The following KRT222 variants were observed in gnomAD, a reference collection of about 807,000 sequenced individuals.
KRT222 encodes the protein keratin-like protein KRT222.
KRT222 carries 23 observed loss-of-function variants against 35.0 expected under a neutral mutation model. That is an observed-to-expected ratio of 0.66 (90% CI 0.47 to 0.93). The LOEUF is 0.93. Among genes scored for constraint, KRT222 ranks in the 40% least tolerant of loss-of-function variants. The probability of loss-of-function intolerance (pLI) is 0.00; values close to 1 mark genes in which losing one functional copy is unlikely to be tolerated. For synonymous variants in KRT222, 108 were observed against 118.8 expected, an observed-to-expected ratio of 0.91 and a Z score of 0.59; for missense variants, 339 against 346.3, an observed-to-expected ratio of 0.98 and a Z score of 0.17.
chr17:40,656,673 G>A (rs569174609), intron 5 of KRT222, 43 bp from the exon 6 acceptor site: 2 of 1,111,040 alleles, frequency 1.8e-6, no homozygotes, highest in South Asian at 2.7e-5. Flanking sequence ...AGAAGTATGG[G>A]TCTATTAAAA....
At position 40,665,109 on chromosome 17, in the gene KRT222, A is replaced by G; in HGVS notation, c.-10T>C. Reference sequence around the variant, plus strand: ...GCTGGGACAGTTCCATTCTTTTCCCATCCTCCACCTTGGCTAACTGAACCT... The same window carrying G: ...GCTGGGACAGTTCCATTCTTTTCCCGTCCTCCACCTTGGCTAACTGAACCT... On this transcript the variant is annotated 5_prime_UTR_variant, in exon 1 of 6. The change abolishes an upstream ATG in the 5' untranslated region. Coordinates refer to ENST00000394052, the MANE Select transcript of KRT222 (RefSeq NM_152349.3). 6.2e-7 allele frequency: 1 copy of G among 1,613,430 alleles called. No homozygotes were observed. The highest frequency in any genetic ancestry group is 8.5e-7 in the Non-Finnish European group (1 of 1,179,776).
intron 3 of KRT222, among the ~76,000 whole-genome samples, chr17:40,659,189 T>A: frequency 6.7e-6 from 1 of 149,584 alleles, no homozygotes; most frequent in Non-Finnish European, 1.5e-5. Flanking sequence ...GGAGTCTCAC[T>A]CTGTCGCCTG....
rs148476018 is a variant in KRT222, at chr17:40,660,093, C to G, written c.340G>C (p.Gly114Arg). 1.9e-5 allele frequency: 30 copies of G among 1,614,092 alleles called. 1 individual carries two copies. In the East Asian group the frequency reaches 5.8e-4, roughly 31 times the overall value. Residue 114 changes from glycine (G) to arginine (R), a missense_variant, in exon 3 of 6, where the codon GGC becomes CGC. Gly to Arg is a moderately radical substitution (Grantham distance 125, BLOSUM62 -2). Coordinates refer to ENST00000394052, the MANE Select transcript of KRT222 (RefSeq NM_152349.3). Reference sequence around the variant, plus strand: ...TGCTCTTGAAGCTGCTTTTCGATGCCGCGCCTTACTTCCTGTAGCTCTTTT... The same window carrying G: ...TGCTCTTGAAGCTGCTTTTCGATGCGGCGCCTTACTTCCTGTAGCTCTTTT... ...LEKELQEVRRGIEKQLQEHEM... is the reference protein window; with the variant it reads ...LEKELQEVRRRIEKQLQEHEM...
chr17:40,662,608 T>G (rs1041095313), intron 1 of KRT222, among the ~76,000 whole-genome samples: 1 of 152,214 alleles, frequency 6.6e-6, no homozygotes, highest in African/African-American at 2.4e-5. Context: ...GAAAATCTGT[T>G]GATTGACCTT....
intron 1 of KRT222, among the ~76,000 whole-genome samples, chr17:40,664,250 C>A (rs1271382566): frequency 6.6e-6 from 1 of 152,066 alleles, no homozygotes; most frequent in Admixed American, 6.5e-5. Context: ...AGACTTGAGA[C>A]CTTAATTACT....
intron 2 of KRT222, among the ~76,000 whole-genome samples, chr17:40,661,605 G>T (rs2037384399): frequency 6.6e-6 from 1 of 152,100 alleles, no homozygotes; most frequent in Non-Finnish European, 1.5e-5. Context: ...ATGGATAAAA[G>T]AATCTCCACT....
chr17:40,660,172 C>T lies in KRT222; in HGVS notation c.261G>A (p.Glu87=), dbSNP rs750870232. The change falls in exon 3 of 6, where the codon GAG becomes GAA. Residue 87 remains glutamate, a synonymous_variant. Transcript: ENST00000394052. ...CTTGCAGCTGCATCTGGTAATGCTG[C>T]TCGCTGGCATGTAGGGAGTTTTCAA... The part of the protein sequence containing the change: ...RGLENSLHAS[E]QHYQMQLQDL... The T allele has an allele frequency of 5.6e-6, 9 of 1,614,076 alleles. No individual in the cohort carries two copies. Among genetic ancestry groups the T allele is most frequent in the Non-Finnish European group, 7.6e-6 (9 of 1,180,016 alleles).
At chr17:40,656,680 A>G (rs1483573548) in intron 5 of KRT222, 50 bp from the exon 6 acceptor site, 3 of 972,518 alleles carry the variant, frequency 3.1e-6, no homozygotes, top group Non-Finnish European at 4.8e-6. Context: ...TGGGTCTATT[A>G]AAAATATGTA....
In KRT222 at chr17:40,656,335, G is replaced by C; in HGVS notation, c.*67C>G. On this transcript the variant is annotated 3_prime_UTR_variant, in exon 6 of 6. Transcript: ENST00000394052. ...GTAATAACTTACATTTTGGGACAGA[G>C]GGAGTTGGTATGGCCCACCTTGGTC... The C allele has an allele frequency of 9.4e-7, 1 of 1,059,792 alleles. No individual in the cohort carries two copies. The highest frequency in any genetic ancestry group is 2.0e-4 in the Middle Eastern group (1 of 4,950). The allele number at this position is 1,059,792 out of a possible 1,614,324, so 65.6% of individuals were successfully genotyped here.
At chr17:40,664,786 A>G (rs1206491296) in intron 1 of KRT222, 3 of 681,080 alleles carry the variant, frequency 4.4e-6, no homozygotes, top group Middle Eastern at 4.4e-4. Flanking sequence ...ATAAAAATCA[A>G]ATGCATCAAT....
Position 40,660,058 on chromosome 17 carries a change from A to C in KRT222, c.375T>G (p.Leu125=), listed in dbSNP as rs61744600. The C allele has an allele frequency of 2.1e-4, 340 of 1,614,088 alleles. No individual in the cohort carries two copies. In the African/African-American group the frequency reaches 3.9e-3, roughly 18 times the overall value. ...GTTCCAGCCTCATCTTCGTGTTGAG[A>C]AGCATCTCGTGCTCTTGAAGCTGCT... ...IEKQLQEHEM[L]LNTKMRLEQE... is the part of the protein sequence containing the mutation. Residue 125 remains leucine (L), a synonymous_variant, in exon 3 of 6, where the codon CTT becomes CTG. Coordinates refer to ENST00000394052, the MANE Select transcript of KRT222 (RefSeq NM_152349.3).
At chr17:40,660,289 T>C in intron 2 of KRT222, 82 bp from the exon 3 acceptor site, 2 of 1,182,460 alleles carry the variant, frequency 1.7e-6, no homozygotes, top group Non-Finnish European at 2.4e-6. Flanking sequence ...TTCATCTTTT[T>C]TTTTTTTTTG....
chr17:40,657,616 T>TA (rs751110638), intron 4 of KRT222, 58 bp downstream of exon 4: 1 of 1,513,630 alleles, frequency 6.6e-7, no homozygotes, highest in Non-Finnish European at 9.1e-7. Flanking sequence ...CCTTATAAAG[T>TA]AATCCCTGTA....
At chr17:40,656,687 T>C in intron 5 of KRT222, 57 bp from the exon 6 acceptor site, 2 of 905,002 alleles carry the variant, frequency 2.2e-6, no homozygotes, top group Admixed American at 4.4e-5. Context: ...ATTAAAAATA[T>C]GTATTATATA....
chr17:40,661,646 AT>A (rs1008604918), intron 2 of KRT222, among the ~76,000 whole-genome samples: 1 of 152,204 alleles, frequency 6.6e-6, no homozygotes, highest in African/African-American at 2.4e-5. Flanking sequence ...CGAATGCTCT[AT>A]TCCCTATCTT....
Position 40,656,541 on chromosome 17 carries a change from C to T in KRT222, c.749G>A (p.Arg250Gln), listed in dbSNP as rs139112704. The T allele has an allele frequency of 5.6e-5, 90 of 1,613,522 alleles. No homozygotes were observed. Among genetic ancestry groups the T allele is most frequent in the Non-Finnish European group, 6.9e-5 (81 of 1,179,674 alleles). The change falls in exon 6 of 6, where the codon CGA (arginine) becomes CAA (glutamine). Residue 250 changes from arginine to glutamine, a missense_variant. By Grantham distance (43) the Arg-to-Gln change is conservative (BLOSUM62 1). Coordinates refer to ENST00000394052, the MANE Select transcript of KRT222 (RefSeq NM_152349.3). ...PRLRKKSVSL[R>Q]FDLHLAATDE... Reference sequence around the variant, plus strand: ...AGTGGCTGCTAAATGAAGATCAAATCGAAGAGAAACAGACTTTTTCCTCAA... The same window carrying T: ...AGTGGCTGCTAAATGAAGATCAAATTGAAGAGAAACAGACTTTTTCCTCAA...
chr17:40,664,947 G>A, intron 1 of KRT222, 57 bp downstream of exon 1: 1 of 1,611,438 alleles, frequency 6.2e-7, no homozygotes, highest in Non-Finnish European at 8.5e-7. Context: ...ACAGGAATTG[G>A]GTAGACATGG....
In KRT222 at chr17:40,655,186, T is replaced by C. The variant is rs2037336442; in HGVS notation, c.*1216A>G. 6.6e-6 allele frequency: 1 copy of C among 151,364 alleles called. No homozygotes were observed. Among genetic ancestry groups the C allele is most frequent in the South Asian group, 2.1e-4 (1 of 4,832 alleles). 9.4% of individuals were successfully genotyped at this position (151,364 alleles called of 1,614,324 possible). A position where few individuals can be genotyped will look rare whatever the true frequency, so the allele number is the denominator to read the frequency against. Reference sequence around the variant, plus strand: ...TATAGCCCTTAGATGATACTTTAGCTGGGAAAAAGTATGGTGAGTTGTACT... The same window carrying C: ...TATAGCCCTTAGATGATACTTTAGCCGGGAAAAAGTATGGTGAGTTGTACT... On this transcript the variant is annotated 3_prime_UTR_variant, in exon 6 of 6. Coordinates refer to ENST00000394052, the MANE Select transcript of KRT222 (RefSeq NM_152349.3).
At chr17:40,657,812 CAGG>C in intron 3 of KRT222, 62 bp from the exon 4 acceptor site, 1 of 1,103,148 alleles carries the variant, frequency 9.1e-7, no homozygotes, top group Non-Finnish European at 1.4e-6. Flanking sequence ...TTAAAACAAA[CAGG>C]AGAATGGATA....
Sources: allele counts gnomAD v4.1 joint callset (sites outside exome capture counted in the v4.1 genomes callset), GRCh38; gene constraint gnomAD v4.1.1; transcripts MANE v1.5; gene names NCBI Gene and HGNC (gene_info 2026-07-23, HGNC 2026-07-21).